The following METTL8 variants were observed in gnomAD, a reference collection of about 807,000 sequenced individuals.
The protein encoded by METTL8 is methyltransferase 8, tRNA N3-cytidine, also known as tRNA N(3)-cytidine methyltransferase METTL8, mitochondrial.
In METTL8, 32 loss-of-function variants were observed where a neutral mutation model predicts 48.7. That is an observed-to-expected ratio of 0.66 (90% confidence interval 0.50 to 0.88). The LOEUF is 0.88. METTL8 is among the 40% of genes least tolerant of loss of function. METTL8 has a pLI of 0.00. For synonymous variants in METTL8, 136 were observed against 157.1 expected (o/e 0.87, Z 1.01); for missense variants, 464 against 474.4 (o/e 0.98, Z 0.20).
intron 7 of METTL8, among the ~76,000 whole-genome samples, chr2:171,330,105 G>C (rs534339837): frequency 6.6e-6 from 1 of 152,182 alleles, no homozygotes; most frequent in African/African-American, 2.4e-5. Flanking sequence ...TCCCTAGTGT[G>C]CTTCTTTAGA....
At chr2:171,399,762 G>A (rs1056797035) in intron 1 of METTL8, among the ~76,000 whole-genome samples, 1 of 152,124 alleles carries the variant, frequency 6.6e-6, no homozygotes, top group Non-Finnish European at 1.5e-5. Flanking sequence ...GGGAGCAATA[G>A]TTTTGAGTAA....
At chr2:171,392,632 G>A (rs1688681636) in intron 1 of METTL8, among the ~76,000 whole-genome samples, 1 of 151,954 alleles carries the variant, frequency 6.6e-6, no homozygotes, top group Non-Finnish European at 1.5e-5. Flanking sequence ...AGAAGAATAA[G>A]AAAACAAACC....
At position 171,320,352 on chromosome 2, in the gene METTL8, T is replaced by C. The variant is rs1295249084; in HGVS notation, c.*3820A>G. 2.0e-5 allele frequency: 3 copies of C among 152,228 alleles called. No individual in the cohort carries two copies. Among genetic ancestry groups the C allele is most frequent in the Non-Finnish European group, 4.4e-5 (3 of 68,040 alleles). The allele number at this position is 152,228 out of a possible 1,614,324, so 9.4% of individuals were successfully genotyped here. On this transcript the variant is annotated 3_prime_UTR_variant, in exon 10 of 10. Coordinates refer to ENST00000375258, the MANE Select transcript of METTL8 (RefSeq NM_001321154.2). ...CAGTCCAAATTTGGTTGATGTATTT[T>C]TGAAGCTTCTAAAGGTTAACTCACA...
chr2:171,417,663 A>C (rs1484133458), intron 1 of METTL8, among the ~76,000 whole-genome samples: 1 of 152,202 alleles, frequency 6.6e-6, no homozygotes, highest in African/African-American at 2.4e-5. Context: ...AAGTTGTGCT[A>C]TCCCTATATA....
At position 171,323,837 on chromosome 2, in the gene METTL8, A is replaced by G. The variant is rs546271837; in HGVS notation, c.*335T>C. The G allele has an allele frequency of 6.0e-5, 11 of 182,840 alleles. No individual in the cohort carries two copies. The South Asian group carries it at 9.4e-4, about 16-fold the overall frequency. 11.3% of individuals were successfully genotyped at this position (182,840 alleles called of 1,614,324 possible). ...CCTAAACAAATAAACAATTTTTTTT[A>G]CTTGCAAAAAATGTCAAGTTACATT... On this transcript the variant is annotated 3_prime_UTR_variant, in exon 10 of 10. Transcript: ENST00000375258.
chr2:171,415,565 T>C (rs1691231782), intron 1 of METTL8, among the ~76,000 whole-genome samples: 1 of 152,038 alleles, frequency 6.6e-6, no homozygotes, highest in Non-Finnish European at 1.5e-5. Flanking sequence ...TTGGCCAGGC[T>C]GGTCTTGAAC....
intron 2 of METTL8, among the ~76,000 whole-genome samples, chr2:171,373,883 G>A (rs955737026): frequency 3.3e-5 from 5 of 152,106 alleles, no homozygotes; most frequent in Non-Finnish European, 7.4e-5. Flanking sequence ...GTTACTGTAG[G>A]CTTGTAGTAT....
At chr2:171,434,769 G>T (rs1693723837), upstream of METTL8, 3 of 1,390,486 alleles carry the variant, frequency 2.2e-6, no homozygotes, top group East Asian at 8.6e-5. Flanking sequence ...CCTCCTGCGG[G>T]GATGCGGTTT....
Position 171,317,496 on chromosome 2 carries a change from C to T in METTL8, c.*6676G>A, listed in dbSNP as rs1218885770. The stretch of plus-strand genomic sequence containing the variant: ...GGCCCTGGATCTACTCAGTGCCTAC[C>T]TGCTGGAGAAAATCAAAGATAAAGA... On this transcript the variant is annotated 3_prime_UTR_variant, in exon 10 of 10. Coordinates refer to ENST00000375258, the MANE Select transcript of METTL8 (RefSeq NM_001321154.2). 6.6e-6 allele frequency: 1 copy of T among 152,366 alleles called. No homozygotes were observed. The highest frequency in any genetic ancestry group is 1.5e-5 in the Non-Finnish European group (1 of 68,142). 9.4% of individuals were successfully genotyped at this position (152,366 alleles called of 1,614,324 possible). A position where few individuals can be genotyped will look rare whatever the true frequency, so the allele number is the denominator to read the frequency against.
At chr2:171,363,449 A>G (rs1204767533) in intron 2 of METTL8, among the ~76,000 whole-genome samples, 2 of 152,130 alleles carry the variant, frequency 1.3e-5, no homozygotes, top group Non-Finnish European at 2.9e-5. Flanking sequence ...ATAATAAACA[A>G]ACTGGAAATA....
At chr2:171,334,869 G>A (rs1004019611) in intron 5 of METTL8, among the ~76,000 whole-genome samples, 4 of 152,178 alleles carry the variant, frequency 2.6e-5, no homozygotes, top group African/African-American at 9.6e-5. Flanking sequence ...CTCCAACTAA[G>A]CTGTACTGTT....
intron 1 of METTL8, among the ~76,000 whole-genome samples, chr2:171,432,399 C>A (rs1693151952): frequency 6.6e-6 from 1 of 152,104 alleles, no homozygotes; most frequent in Non-Finnish European, 1.5e-5. Context: ...ATGACTCTCC[C>A]TTGGTGACGA....
At chr2:171,375,161 C>G in intron 2 of METTL8, 1 of 1,473,084 alleles carries the variant, frequency 6.8e-7, no homozygotes, top group Non-Finnish European at 9.4e-7. Context: ...TTTCGAATGA[C>G]GAATTTCTTA....
intron 1 of METTL8, among the ~76,000 whole-genome samples, chr2:171,409,905 G>A (rs921282050): frequency 6.6e-6 from 1 of 152,044 alleles, no homozygotes; most frequent in Non-Finnish European, 1.5e-5. Flanking sequence ...AATTGTCTAC[G>A]GTCAGGCCGG....
At chr2:171,357,546 G>C (rs1684716568) in intron 3 of METTL8, among the ~76,000 whole-genome samples, 1 of 152,072 alleles carries the variant, frequency 6.6e-6, no homozygotes, top group Non-Finnish European at 1.5e-5. Context: ...ATTAAAAAAT[G>C]GGAAGATATT....
chr2:171,382,709 C>G (rs1397149118), intron 2 of METTL8, among the ~76,000 whole-genome samples: 2 of 151,604 alleles, frequency 1.3e-5, no homozygotes, highest in South Asian at 2.1e-4. Flanking sequence ...TATCCCGGAA[C>G]TCAAAGTAAA....
At chr2:171,400,227 T>C (rs1476269586) in intron 1 of METTL8, among the ~76,000 whole-genome samples, 1 of 152,180 alleles carries the variant, frequency 6.6e-6, no homozygotes, top group Non-Finnish European at 1.5e-5. Flanking sequence ...AGAGATTCAA[T>C]TCCAGTCCAA....
chr2:171,359,433 A>G (rs1046708871), intron 3 of METTL8, among the ~76,000 whole-genome samples: 14 of 152,178 alleles, frequency 9.2e-5, no homozygotes, highest in African/African-American at 1.4e-4. Context: ...AATTAGTATG[A>G]CCACTATGGA....
rs1253470185 is a variant in METTL8, at chr2:171,320,164, T to A, written c.*4008A>T. On this transcript the variant is annotated 3_prime_UTR_variant, in exon 10 of 10. Coordinates refer to ENST00000375258, the MANE Select transcript of METTL8 (RefSeq NM_001321154.2). ...TTCTGTGCCAAAATCTACATTTCTA[T>A]CTAGCAGCAAACCCCGAGAAGGAAG... 6.6e-6 allele frequency: 1 copy of A among 152,018 alleles called. No individual in the cohort carries two copies. The highest frequency in any genetic ancestry group is 1.5e-5 in the Non-Finnish European group (1 of 68,014). The allele number at this position is 152,018 out of a possible 1,614,324, so 9.4% of individuals were successfully genotyped here.
Sources: allele counts gnomAD v4.1 joint callset (sites outside exome capture counted in the v4.1 genomes callset), GRCh38; gene constraint gnomAD v4.1.1; transcripts MANE v1.5; gene names NCBI Gene and HGNC (gene_info 2026-07-23, HGNC 2026-07-21).